Variants in ZDHHC13 observed in about 807,000 individuals in gnomAD.
The protein encoded by ZDHHC13 is palmitoyltransferase ZDHHC13.
ZDHHC13 carries 85 observed loss-of-function variants against 86.0 expected under a neutral mutation model. That is an observed-to-expected ratio of 0.99 (90% confidence interval 0.83 to 1.18). ZDHHC13 has a LOEUF of 1.18. ZDHHC13 is among the 50% of genes most tolerant of loss of function. ZDHHC13 has a pLI of 0.00. For synonymous variants in ZDHHC13, 263 were observed against 246.4 expected, an observed-to-expected ratio of 1.07 and a Z score of -0.63; for missense variants, 711 against 730.2, an observed-to-expected ratio of 0.97 and a Z score of 0.30.
rs975340919 is a variant in ZDHHC13 at position 19,120,756 on chromosome 11, AT to A, written c.27+3488del. 1.1e-4 allele frequency among the ~76,000 whole-genome samples: 17 copies of A among 152,068 alleles called. No individual in the cohort carries two copies. In the East Asian group the frequency reaches 1.9e-3, roughly 17 times the overall value. On this transcript the variant is annotated intron_variant, in intron 1 of 16. Coordinates refer to ENST00000446113, the MANE Select transcript of ZDHHC13 (RefSeq NM_019028.3). ...GTATCTCTCTTTTTTCCCTCTTTAAATTTTTTTTCCCTTTGTATCTTAATTA... is the reference window on the plus strand; with the variant it reads ...GTATCTCTCTTTTTTCCCTCTTTAAATTTTTTTCCCTTTGTATCTTAATTA...
chr11:19,135,869 G>C (rs1450023391), intron 1 of ZDHHC13, among the ~76,000 whole-genome samples: 23 of 152,162 alleles, frequency 1.5e-4, no homozygotes, highest in South Asian at 1.2e-3. Context: ...GGTCCTGTCT[G>C]TTAGAAGGAA....
At chr11:19,141,623 A>C (rs1441439759) in intron 1 of ZDHHC13, among the ~76,000 whole-genome samples, 1 of 152,016 alleles carries the variant, frequency 6.6e-6, no homozygotes, top group Admixed American at 6.6e-5. Flanking sequence ...AAGGAGAAAT[A>C]AAATGTATTC....
At chr11:19,136,829 A>C (rs1275691058) in intron 1 of ZDHHC13, among the ~76,000 whole-genome samples, 1 of 151,864 alleles carries the variant, frequency 6.6e-6, no homozygotes, top group Non-Finnish European at 1.5e-5. Context: ...AAGCTTCATA[A>C]GTGAAGGAGA....
intron 14 of ZDHHC13, chr11:19,169,070 G>C (rs1267530331): frequency 1.0e-6 from 1 of 985,430 alleles, no homozygotes; most frequent in Non-Finnish European, 1.2e-6. Context: ...ACTTGCTGTT[G>C]TATCTTTGAT....
At chr11:19,140,718 A>G (rs1410792860) in intron 1 of ZDHHC13, among the ~76,000 whole-genome samples, 1 of 152,194 alleles carries the variant, frequency 6.6e-6, no homozygotes, top group Admixed American at 6.5e-5. Flanking sequence ...CATATACACC[A>G]TGGAATACTA....
At chr11:19,133,965 T>G (rs1201130807) in intron 1 of ZDHHC13, among the ~76,000 whole-genome samples, 1 of 86,304 alleles carries the variant, frequency 1.2e-5, no homozygotes, top group Non-Finnish European at 2.8e-5. Flanking sequence ...TTTATATACT[T>G]CAGTCTTTAT....
chr11:19,136,878 T>G (rs1399676745), intron 1 of ZDHHC13, among the ~76,000 whole-genome samples: 1 of 151,762 alleles, frequency 6.6e-6, no homozygotes, highest in Non-Finnish European at 1.5e-5. Flanking sequence ...CTGAGAGATT[T>G]TGTCACCACC....
At chr11:19,161,421 C>G (rs1295583912) in intron 10 of ZDHHC13, among the ~76,000 whole-genome samples, 1 of 151,878 alleles carries the variant, frequency 6.6e-6, no homozygotes, top group East Asian at 1.9e-4. Flanking sequence ...AATTGGCATT[C>G]TATAAATATA....
At chr11:19,146,348 C>A (rs773189010) in intron 3 of ZDHHC13, 45 bp downstream of exon 3, 3 of 1,579,342 alleles carry the variant, frequency 1.9e-6, no homozygotes, top group African/African-American at 1.4e-5. Flanking sequence ...TAATTTTAGA[C>A]CTCTCCTTCA....
intron 1 of ZDHHC13, among the ~76,000 whole-genome samples, chr11:19,133,349 T>G (rs901960681): frequency 4.1e-5 from 6 of 145,892 alleles, no homozygotes; most frequent in Non-Finnish European, 5.9e-5. Flanking sequence ...TGAGAATTGT[T>G]TACATATATA....
intron 4 of ZDHHC13, chr11:19,148,928 T>C: frequency 3.8e-6 from 1 of 263,540 alleles, no homozygotes; most frequent in Non-Finnish European, 7.1e-6. Context: ...CACTCCAGCC[T>C]GGGTCACAGA....
Position 19,135,424 on chromosome 11 carries a change from G to A in ZDHHC13, c.28-7554G>A, listed in dbSNP as rs547777760. ...CCGCACCTGGCTCGGAGGGGCCTAC[G>A]CCCATGGAGTCTCGCTGGATTGCTA... On this transcript the variant is annotated intron_variant, in intron 1 of 16. Coordinates refer to ENST00000446113, the MANE Select transcript of ZDHHC13 (RefSeq NM_019028.3). 8.0e-3 allele frequency among the ~76,000 whole-genome samples: 1,223 copies of A among 152,352 alleles called. 13 individuals are homozygous for A. The highest frequency in any genetic ancestry group is 0.028 in the African/African-American group (1,147 of 41,588).
chr11:19,144,506 G>A (rs1469103885), intron 2 of ZDHHC13, among the ~76,000 whole-genome samples: 4 of 149,994 alleles, frequency 2.7e-5, no homozygotes, highest in Non-Finnish European at 5.9e-5. Flanking sequence ...TTCTTATTAT[G>A]TTTCTAAAAT....
intron 3 of ZDHHC13, 108 bp from the exon 4 acceptor site, chr11:19,147,488 A>G: frequency 1.1e-6 from 1 of 930,428 alleles, no homozygotes; most frequent in Non-Finnish European, 1.6e-6. Context: ...TATTACTATC[A>G]TAATTTGTTC....
intron 9 of ZDHHC13, among the ~76,000 whole-genome samples, chr11:19,158,438 C>T (rs1849817585): frequency 6.6e-6 from 1 of 152,040 alleles, no homozygotes; most frequent in South Asian, 2.1e-4. Flanking sequence ...TATGAAGTGT[C>T]TACTTCTCAA....
At chr11:19,120,179 G>C (rs543314370) in intron 1 of ZDHHC13, among the ~76,000 whole-genome samples, 1 of 152,294 alleles carries the variant, frequency 6.6e-6, no homozygotes, top group East Asian at 1.9e-4. Flanking sequence ...AAAACATAGT[G>C]GTATAAAACA....
chr11:19,157,523 T>C (rs920217872), intron 9 of ZDHHC13, among the ~76,000 whole-genome samples: 4 of 152,202 alleles, frequency 2.6e-5, no homozygotes, highest in South Asian at 4.1e-4. Flanking sequence ...ATGTGAAAAC[T>C]CAAATTTCTG....
At chr11:19,163,218 T>C in intron 10 of ZDHHC13, 85 bp from the exon 11 acceptor site, 1 of 1,420,730 alleles carries the variant, frequency 7.0e-7, no homozygotes, top group Non-Finnish European at 9.4e-7. Context: ...GGTGAGATTC[T>C]TAGGTGCCAA....
intron 5 of ZDHHC13, among the ~76,000 whole-genome samples, chr11:19,149,831 A>G (rs1168780569): frequency 6.6e-6 from 1 of 152,216 alleles, no homozygotes; most frequent in Non-Finnish European, 1.5e-5. Context: ...ACTGTCAATT[A>G]TACTTGCCTG....
Sources: gnomAD v4.1 joint callset for allele counts (sites outside exome capture counted in the v4.1 genomes callset) on GRCh38, gnomAD v4.1.1 for gene constraint, MANE v1.5 for transcripts, NCBI Gene and HGNC (gene_info 2026-07-23, HGNC 2026-07-21) for gene names.